ATP2B4: variants seen among roughly 807,000 people sequenced by gnomAD.
ATP2B4 encodes the protein ATPase plasma membrane Ca2+ transporting 4.
ATP2B4 carries 39 observed loss-of-function variants against 110.3 expected under a neutral mutation model. That is an observed-to-expected ratio of 0.35 (90% CI 0.27 to 0.46). ATP2B4 has a LOEUF of 0.46. ATP2B4 is among the 20% of genes least tolerant of loss of function. ATP2B4 has a pLI of 1.00. For missense variants in ATP2B4, 1,135 were observed against 1,530.9 expected, an observed-to-expected ratio of 0.74 and a Z score of 4.32; for synonymous variants, 538 against 571.7, an observed-to-expected ratio of 0.94 and a Z score of 0.84.
At position 203,707,869 on chromosome 1, in the gene ATP2B4, T is replaced by C. The variant is rs941803876; in HGVS notation, c.1322T>C (p.Met441Thr). 9.3e-6 allele frequency: 15 copies of C among 1,613,874 alleles called. No homozygotes were observed. The highest frequency in any genetic ancestry group is 9.3e-6 in the Non-Finnish European group (11 of 1,179,736). ...ISLAYSVKKMMKDNNLVRHLD... is the reference protein window; with the variant it reads ...ISLAYSVKKMTKDNNLVRHLD... ...TTCTCTTCTCCTTTGTAGAAAATGA[T>C]GAAAGACAATAACCTAGTACGGCAC... The change falls in exon 10 of 21, where the codon ATG (methionine) becomes ACG (threonine). Residue 441 changes from methionine to threonine, a missense_variant. Around this residue, in one of 9 missense-constraint regions of ATP2B4, gnomAD observed 368 missense variants for 455.9 expected, o/e 0.81. Coordinates refer to ENST00000357681, the MANE Select transcript of ATP2B4 (RefSeq NM_001684.5).
chr1:203,725,769 G>A (rs1351886037), intron 19 of ATP2B4, among the ~76,000 whole-genome samples: 1 of 151,894 alleles, frequency 6.6e-6, no homozygotes, highest in African/African-American at 2.4e-5. Context: ...AGCCACCCAG[G>A]TAATGGACAC....
intron 20 of ATP2B4, among the ~76,000 whole-genome samples, chr1:203,733,809 G>A (rs1407430590): frequency 1.3e-5 from 2 of 152,110 alleles, no homozygotes; most frequent in Admixed American, 6.5e-5. Context: ...TTAGATGTGA[G>A]GTTAGGCCAG....
intron 15 of ATP2B4, among the ~76,000 whole-genome samples, chr1:203,718,780 T>C (rs1389659337): frequency 6.6e-6 from 1 of 152,194 alleles, no homozygotes; most frequent in Non-Finnish European, 1.5e-5. Context: ...ATTTTTCTCA[T>C]AGTTCCTTTT....
At chr1:203,721,059 G>C (rs913666754) in intron 16 of ATP2B4, 138 bp from the exon 17 acceptor site, 14 of 901,532 alleles carry the variant, frequency 1.6e-5, no homozygotes, top group Non-Finnish European at 2.4e-5. Context: ...AGGAAGTTAA[G>C]TAGCTTTCTC....
intron 1 of ATP2B4, among the ~76,000 whole-genome samples, chr1:203,678,926 C>T (rs557658223): frequency 2.0e-4 from 30 of 152,196 alleles, no homozygotes; most frequent in Admixed American, 9.8e-4. Flanking sequence ...TGCTTTCACA[C>T]GTCATCTACA....
At chr1:203,688,999 G>A (rs915519150) in intron 2 of ATP2B4, among the ~76,000 whole-genome samples, 19 of 152,068 alleles carry the variant, frequency 1.2e-4, no homozygotes, top group African/African-American at 3.1e-4. Flanking sequence ...TGCTTGCTTC[G>A]TTCCCCATTC....
intron 18 of ATP2B4, among the ~76,000 whole-genome samples, chr1:203,723,418 A>ATCTCTCTC (rs1491262777): frequency 3.0e-4 from 20 of 66,458 alleles, no homozygotes; most frequent in African/African-American, 1.1e-3. Context: ...TTTGAGACAG[A>ATCTCTCTC]TATCTCTCTC....
intron 1 of ATP2B4, among the ~76,000 whole-genome samples, chr1:203,675,385 G>A (rs1664798594): frequency 6.6e-6 from 1 of 152,138 alleles, no homozygotes; most frequent in African/African-American, 2.4e-5. Flanking sequence ...AGACTGAGAG[G>A]TATTTTATTT....
At position 203,721,318 on chromosome 1, in the gene ATP2B4, G is replaced by A. The variant is rs372230650; in HGVS notation, c.2720G>A (p.Arg907Gln). ...ESLLKRRPYG[R>Q]NKPLISRTMM... is the part of the protein sequence containing the mutation. ...CTGTTGAAGCGGCGCCCCTATGGCC[G>A]AAATAAGCCTCTGATCTCACGCACT... is the stretch of plus-strand genomic sequence containing the variant. The change falls in exon 17 of 21, where the codon CGA becomes CAA. Residue 907 changes from arginine (R) to glutamine (Q), a missense_variant. Arg to Gln is a conservative substitution (Grantham distance 43). Coordinates refer to ENST00000357681, the MANE Select transcript of ATP2B4 (RefSeq NM_001684.5). 2.4e-5 allele frequency: 38 copies of A among 1,614,062 alleles called. No homozygotes were observed. Among genetic ancestry groups the A allele is most frequent in the Middle Eastern group, 1.6e-4 (1 of 6,084 alleles).
rs538793625 is a variant in ATP2B4 at position 203,713,053 on chromosome 1, G to A, written c.2212-112G>A. The stretch of plus-strand genomic sequence containing the variant: ...TTAATCCAGAATAACACTTTCATGT[G>A]GGACTGTGGTGTACCCAATCTCCCA... On this transcript the variant is annotated intron_variant, in intron 13 of 20. Coordinates refer to ENST00000357681, the MANE Select transcript of ATP2B4 (RefSeq NM_001684.5). 46 of 1,083,100 alleles carry A rather than the reference G, an allele frequency of 4.2e-5. No homozygotes were observed. In the East Asian group the frequency reaches 1.0e-3, roughly 24 times the overall value. The allele number at this position is 1,083,100 out of a possible 1,614,324, so 67.1% of individuals were successfully genotyped here.
chr1:203,636,140 A>G (rs943288429), intron 1 of ATP2B4, among the ~76,000 whole-genome samples: 2 of 152,244 alleles, frequency 1.3e-5, no homozygotes, highest in Non-Finnish European at 2.9e-5. Flanking sequence ...CAAACAGCCC[A>G]GAGATTGTTG....
In ATP2B4 at chr1:203,677,905, C is replaced by A. The variant is rs1267222292; in HGVS notation, c.-464-4837C>A. 3.9e-5 allele frequency among the ~76,000 whole-genome samples: 6 copies of A among 152,364 alleles called. No individual in the cohort carries two copies. The East Asian group carries it at 1.2e-3, about 29-fold the overall frequency. Reference sequence around the variant, plus strand: ...ACCCCTGCCAGAGTATCTCCAAGTGCTACCGGCTTGCTCCTGAGCAGAGGC... The same window carrying A: ...ACCCCTGCCAGAGTATCTCCAAGTGATACCGGCTTGCTCCTGAGCAGAGGC... On this transcript the variant is annotated intron_variant, in intron 1 of 20. Coordinates refer to ENST00000357681, the MANE Select transcript of ATP2B4 (RefSeq NM_001684.5).
chr1:203,660,512 G>A (rs373401501), intron 1 of ATP2B4, among the ~76,000 whole-genome samples: 1 of 151,882 alleles, frequency 6.6e-6, no homozygotes, highest in Non-Finnish European at 1.5e-5. Context: ...GGTGGGGGGT[G>A]GGGGGAGGCC....
At chr1:203,704,292 C>T (rs1047018940) in intron 8 of ATP2B4, among the ~76,000 whole-genome samples, 2 of 152,018 alleles carry the variant, frequency 1.3e-5, no homozygotes, top group African/African-American at 4.8e-5. Context: ...CAGAGGCTCT[C>T]TCCAGAAGAG....
intron 1 of ATP2B4, among the ~76,000 whole-genome samples, chr1:203,680,208 T>G (rs1664960967): frequency 1.3e-5 from 2 of 152,184 alleles, no homozygotes; most frequent in South Asian, 4.1e-4. Context: ...CTTAGAATTT[T>G]CCATTCTTTT....
chr1:203,721,316 C>T lies in ATP2B4; in HGVS notation c.2718C>T (p.Gly906=), dbSNP rs146680190. Residue 906 remains glycine (G), a synonymous_variant, in exon 17 of 21, where the codon GGC becomes GGT. Coordinates refer to ENST00000357681, the MANE Select transcript of ATP2B4 (RefSeq NM_001684.5). The stretch of plus-strand genomic sequence containing the variant: ...CTCTGTTGAAGCGGCGCCCCTATGG[C>T]CGAAATAAGCCTCTGATCTCACGCA... ...TESLLKRRPY[G]RNKPLISRTM... The T allele has an allele frequency of 1.7e-5, 28 of 1,614,080 alleles. No individual in the cohort carries two copies. The highest frequency in any genetic ancestry group is 2.4e-5 in the Non-Finnish European group (28 of 1,180,040).
At chr1:203,637,213 C>T (rs1201685141) in intron 1 of ATP2B4, among the ~76,000 whole-genome samples, 2 of 152,148 alleles carry the variant, frequency 1.3e-5, no homozygotes, top group Admixed American at 6.5e-5. Context: ...AGGCGGATCA[C>T]GAGGTCAGGA....
chr1:203,683,666 C>CT (rs11326748), intron 2 of ATP2B4, among the ~76,000 whole-genome samples: 10,965 of 77,950 alleles, frequency 0.14, 961 homozygotes, highest in South Asian at 0.23. Context: ...TCTTTTGTTT[C>CT]TTTTTTTTTT....
chr1:203,734,577 G>A (rs906395807), intron 20 of ATP2B4, among the ~76,000 whole-genome samples: 4 of 151,204 alleles, frequency 2.6e-5, no homozygotes, highest in Non-Finnish European at 4.4e-5. Flanking sequence ...AATATGGTGC[G>A]TGCCTGTAAT....
Sources: gnomAD v4.1 joint callset for allele counts (sites outside exome capture counted in the v4.1 genomes callset) on GRCh38, gnomAD v4.1.1 for gene constraint, gnomAD v4.1.1 regional missense constraint, MANE v1.5 for transcripts, NCBI Gene and HGNC (gene_info 2026-07-23, HGNC 2026-07-21) for gene names.